ATL1: variants seen among roughly 807,000 people sequenced by gnomAD.
ATL1 encodes the protein atlastin-1.
In ATL1, 31 loss-of-function variants were observed where a neutral mutation model predicts 75.5. The observed-to-expected ratio is 0.41, with a 90% CI of 0.31 to 0.55. ATL1 has a LOEUF of 0.55. ATL1 is among the 20% of genes least tolerant of loss of function. ATL1 has a pLI of 0.27. For synonymous variants in ATL1, 226 were observed against 233.3 expected, an observed-to-expected ratio of 0.97 and a Z score of 0.28; for missense variants, 405 against 662.6, an observed-to-expected ratio of 0.61 and a Z score of 4.27.
intron 1 of ATL1, among the ~76,000 whole-genome samples, chr14:50,535,678 A>G (rs903494724): frequency 3.1e-4 from 47 of 152,240 alleles, no homozygotes; most frequent in African/African-American, 1.1e-3. Flanking sequence ...GGATGGCAAT[A>G]GAACATGTAT....
chr14:50,558,236 G>A (rs984627657), upstream of ATL1, among the ~76,000 whole-genome samples: 1 of 152,202 alleles, frequency 6.6e-6, no homozygotes, highest in Non-Finnish European at 1.5e-5. Flanking sequence ...GCGACCGCCA[G>A]TAATCCCAGC....
chr14:50,592,913 CAAAA>C (rs1172812271), intron 4 of ATL1, among the ~76,000 whole-genome samples: 17 of 85,400 alleles, frequency 2.0e-4, no homozygotes, highest in African/African-American at 6.5e-4. Flanking sequence ...ACTCCCGTCT[CAAAA>C]AAAAAAAAAA....
chr14:50,564,517 C>T (rs2140179103), intron 1 of ATL1, among the ~76,000 whole-genome samples: 1 of 151,636 alleles, frequency 6.6e-6, no homozygotes, highest in East Asian at 1.9e-4. Flanking sequence ...GGTATGGTGG[C>T]ATGCACTTGT....
In ATL1 at chr14:50,588,067, A is replaced by C; in HGVS notation, c.271A>C (p.Met91Leu). ...CCTGATGGACTTCATGTTGAGATACATGTACAACCAGGTATGCAGGAAGTA... is the reference window on the plus strand; with the variant it reads ...CCTGATGGACTTCATGTTGAGATACCTGTACAACCAGGTATGCAGGAAGTA... ...SFLMDFMLRY[M>L]YNQESVDWVG... Residue 91 changes from methionine to leucine, a missense_variant, in exon 2 of 14, where the codon ATG becomes CTG. By Grantham distance (15) the Met-to-Leu change is conservative. Around this residue, in one of 5 missense-constraint regions of ATL1, gnomAD observed 126 missense variants for 172.0 expected, o/e 0.73. Transcript: ENST00000358385. The C allele has an allele frequency of 1.9e-6, 3 of 1,614,220 alleles. No individual in the cohort carries two copies. Among genetic ancestry groups the C allele is most frequent in the Non-Finnish European group, 2.5e-6 (3 of 1,180,030 alleles).
intron 6 of ATL1, among the ~76,000 whole-genome samples, chr14:50,605,324 T>C (rs1037065156): frequency 3.0e-4 from 45 of 152,104 alleles, no homozygotes; most frequent in African/African-American, 9.4e-4. Flanking sequence ...ATTTTGGTCT[T>C]GTTTTTATCT....
chr14:50,581,633 T>C (rs571247163), intron 1 of ATL1, among the ~76,000 whole-genome samples: 1 of 152,356 alleles, frequency 6.6e-6, no homozygotes, highest in South Asian at 2.1e-4. Context: ...TTTCTTAATA[T>C]CTTCTTGTTA....
intron 2 of ATL1, among the ~76,000 whole-genome samples, chr14:50,589,313 C>A (rs1241191943): frequency 6.6e-6 from 1 of 151,940 alleles, no homozygotes; most frequent in South Asian, 2.1e-4. Context: ...CATGCGCCAC[C>A]ACATCTGGAT....
rs182475752 is a variant in ATL1 at position 50,582,677 on chromosome 14, C to T, written c.35-5154C>T. On this transcript the variant is annotated intron_variant, in intron 1 of 13. Transcript: ENST00000358385. ...TTGACCTCAAATGATCCACCCGCCT[C>T]GGCCTCCCAAAGTGCTGGGATTACA... Among the ~76,000 whole-genome samples the T allele has an allele frequency of 2.2e-3, 332 of 151,756 alleles. 8 individuals are homozygous for T. The highest frequency in any genetic ancestry group is 2.2e-3 in the Non-Finnish European group (152 of 67,902).
rs2039505101 is a variant in ATL1, at chr14:50,625,118, TA to T, written c.1119+1871del. ...GTGTTACTCCAGTGAACACACAGAT[TA>T]TAAAAAAGTGAAACAGCTTTTTTGC... On this transcript the variant is annotated intron_variant, in intron 11 of 13. Transcript: ENST00000358385. Among the ~76,000 whole-genome samples, 5 of 152,012 alleles carry T rather than the reference TA, an allele frequency of 3.3e-5. No homozygotes were observed. In the East Asian group the frequency reaches 9.7e-4, roughly 29 times the overall value.
intron 1 of ATL1, among the ~76,000 whole-genome samples, chr14:50,542,273 G>T (rs1237105384): frequency 1.4e-5 from 2 of 147,120 alleles, no homozygotes; most frequent in African/African-American, 5.1e-5. Context: ...ACACACCGGG[G>T]GCCTGTGGTG....
At chr14:50,548,626 C>G (rs1318962881) in intron 1 of ATL1, among the ~76,000 whole-genome samples, 1 of 152,176 alleles carries the variant, frequency 6.6e-6, no homozygotes, top group Non-Finnish European at 1.5e-5. Context: ...TCTCCTGCCT[C>G]AGCCTCCCCA....
At chr14:50,627,027 T>C (rs2934679) in intron 11 of ATL1, among the ~76,000 whole-genome samples, 120,087 of 152,234 alleles carry the variant, frequency 0.79, 48,144 homozygotes, top group African/African-American at 0.94. Context: ...TGCTGTCAAA[T>C]GGCATCCCAG....
chr14:50,565,461 G>A (rs1173880599), intron 1 of ATL1, among the ~76,000 whole-genome samples: 3 of 142,744 alleles, frequency 2.1e-5, no homozygotes, highest in African/African-American at 5.1e-5. Context: ...CTCCAGCCTG[G>A]GTGGCAGAAT....
chr14:50,577,188 G>T (rs186691866), intron 1 of ATL1, among the ~76,000 whole-genome samples: 1 of 151,924 alleles, frequency 6.6e-6, no homozygotes, highest in African/African-American at 2.4e-5. Context: ...TTAGCCTGCC[G>T]AGTGGCTGGG....
intron 2 of ATL1, among the ~76,000 whole-genome samples, chr14:50,589,511 T>C (rs1218754274): frequency 6.6e-6 from 1 of 152,124 alleles, no homozygotes; most frequent in East Asian, 1.9e-4. Flanking sequence ...TAGGCAAAAG[T>C]AACTGGAGAA....
chr14:50,598,886 A>C (rs981137535), intron 6 of ATL1, among the ~76,000 whole-genome samples: 1 of 152,234 alleles, frequency 6.6e-6, no homozygotes, highest in East Asian at 1.9e-4. Context: ...TGGAAAAACA[A>C]GTTCACTATT....
intron 1 of ATL1, among the ~76,000 whole-genome samples, chr14:50,564,090 A>T (rs1003131551): frequency 2.0e-5 from 3 of 152,200 alleles, no homozygotes; most frequent in Non-Finnish European, 2.9e-5. Context: ...ATGCTGTATA[A>T]ATTTGATCAT....
chr14:50,599,649 C>CAA (rs1270591289), intron 6 of ATL1, among the ~76,000 whole-genome samples: 2 of 151,912 alleles, frequency 1.3e-5, no homozygotes, highest in Admixed American at 6.6e-5. Flanking sequence ...GGCAATGAAC[C>CAA]AAAAGTGCAT....
chr14:50,591,492 G>A (rs1018925869), intron 3 of ATL1, 43 bp from the exon 4 acceptor site: 1 of 1,300,448 alleles, frequency 7.7e-7, no homozygotes. Flanking sequence ...TAATGACCTA[G>A]ATGTTCTATA....
Sources: gnomAD v4.1 joint callset for allele counts (sites outside exome capture counted in the v4.1 genomes callset) on GRCh38, gnomAD v4.1.1 for gene constraint, gnomAD v4.1.1 regional missense constraint, MANE v1.5 for transcripts, NCBI Gene and HGNC (gene_info 2026-07-23, HGNC 2026-07-21) for gene names.